The following ARL15 variants were observed in gnomAD, a reference collection of about 807,000 sequenced individuals.
The protein encoded by ARL15 is ADP-ribosylation factor-like protein 15.
Under a neutral mutation model 25.2 loss-of-function variants are expected in ARL15, and 19 were observed. That is an observed-to-expected ratio of 0.75 (90% CI 0.53 to 1.10). ARL15 has a LOEUF of 1.10. ARL15 is among the 50% of genes least tolerant of loss of function. ARL15 has a pLI of 0.00. For synonymous variants in ARL15, 94 were observed against 86.8 expected (o/e 1.08, Z -0.46); for missense variants, 220 against 246.0 (o/e 0.89, Z 0.71).
intron 1 of ARL15, among the ~76,000 whole-genome samples, chr5:54,178,507 GATAA>G (rs1279902401): frequency 2.0e-5 from 3 of 152,084 alleles, no homozygotes; most frequent in Non-Finnish European, 2.9e-5. Flanking sequence ...GACCACACTC[GATAA>G]ATACTTTTTA....
At chr5:53,961,015 C>A (rs895441646) in intron 4 of ARL15, among the ~76,000 whole-genome samples, 1 of 152,158 alleles carries the variant, frequency 6.6e-6, no homozygotes, top group Non-Finnish European at 1.5e-5. Context: ...GGGCTCTAGG[C>A]ATCTGCCCTT....
chr5:54,239,153 C>T (rs1378286057), intron 1 of ARL15, among the ~76,000 whole-genome samples: 2 of 152,002 alleles, frequency 1.3e-5, no homozygotes, highest in Non-Finnish European at 2.9e-5. Context: ...AAAAGACAGA[C>T]TAGCTGTACA....
chr5:54,267,627 A>T (rs1757664543), intron 1 of ARL15, among the ~76,000 whole-genome samples: 1 of 152,150 alleles, frequency 6.6e-6, no homozygotes, highest in South Asian at 2.1e-4. Flanking sequence ...AGATTTGAAA[A>T]ACATTACTTT....
At chr5:54,060,666 A>C (rs1014904369) in intron 4 of ARL15, among the ~76,000 whole-genome samples, 8 of 152,188 alleles carry the variant, frequency 5.3e-5, no homozygotes, top group African/African-American at 1.9e-4. Context: ...TGGACTAATA[A>C]TACAGTACAT....
chr5:54,102,048 T>C (rs1460810766), intron 4 of ARL15, among the ~76,000 whole-genome samples: 1 of 150,748 alleles, frequency 6.6e-6, no homozygotes, highest in Non-Finnish European at 1.5e-5. Context: ...AGTCTCACTC[T>C]GTCACTTAGA....
chr5:53,956,249 C>G (rs1386362514), intron 4 of ARL15, among the ~76,000 whole-genome samples: 1 of 151,744 alleles, frequency 6.6e-6, no homozygotes, highest in Non-Finnish European at 1.5e-5. Flanking sequence ...AGAATACATC[C>G]CTCGTTTTAA....
chr5:54,268,884 C>G (rs559578491), intron 1 of ARL15, among the ~76,000 whole-genome samples: 2 of 152,084 alleles, frequency 1.3e-5, no homozygotes, highest in Non-Finnish European at 2.9e-5. Flanking sequence ...TGGAATACTA[C>G]GCAGCCATAA....
At chr5:53,952,909 C>T (rs1268252078) in intron 4 of ARL15, among the ~76,000 whole-genome samples, 2 of 152,132 alleles carry the variant, frequency 1.3e-5, no homozygotes, top group East Asian at 1.9e-4. Context: ...TAGGAAGATG[C>T]TTGCTTTATT....
At chr5:54,004,328 A>G (rs1408831663) in intron 4 of ARL15, among the ~76,000 whole-genome samples, 2 of 152,054 alleles carry the variant, frequency 1.3e-5, no homozygotes, top group African/African-American at 4.8e-5. Flanking sequence ...CCCCGTCTCT[A>G]TTAAAAATAC....
chr5:54,175,576 C>A (rs1037103906), intron 1 of ARL15, among the ~76,000 whole-genome samples: 5 of 151,902 alleles, frequency 3.3e-5, no homozygotes, highest in African/African-American at 1.2e-4. Context: ...TTCAGGTGAT[C>A]CACTCACCTC....
chr5:54,072,926 C>T (rs1189686871), intron 4 of ARL15, among the ~76,000 whole-genome samples: 2 of 152,138 alleles, frequency 1.3e-5, no homozygotes, highest in Non-Finnish European at 2.9e-5. Flanking sequence ...CCTAGATTTT[C>T]CCCCTTGAAA....
In ARL15 at chr5:54,062,089, G is replaced by A. The variant is rs565371685; in HGVS notation, c.462+51113C>T. 5.9e-5 allele frequency among the ~76,000 whole-genome samples: 9 copies of A among 152,244 alleles called. No individual in the cohort carries two copies. The South Asian group carries it at 1.9e-3, about 32-fold the overall frequency. On this transcript the variant is annotated intron_variant, in intron 4 of 4. Coordinates refer to ENST00000504924, the MANE Select transcript of ARL15 (RefSeq NM_019087.3). Reference sequence around the variant, plus strand: ...CCCACTGGATTTCGGACTTACAAGGGGCCTGTAGCCCTTTTGTTTTGGTCA... The same window carrying A: ...CCCACTGGATTTCGGACTTACAAGGAGCCTGTAGCCCTTTTGTTTTGGTCA...
intron 4 of ARL15, among the ~76,000 whole-genome samples, chr5:54,018,709 A>C (rs1749499846): frequency 1.3e-5 from 2 of 152,204 alleles, no homozygotes; most frequent in African/African-American, 4.8e-5. Flanking sequence ...AAAGGAGGCA[A>C]GCTCTACATG....
chr5:53,941,698 A>T (rs1157915470), intron 4 of ARL15, among the ~76,000 whole-genome samples: 1 of 152,172 alleles, frequency 6.6e-6, no homozygotes, highest in East Asian at 1.9e-4. Context: ...AGATAATAGC[A>T]GGCAAGATGC....
In ARL15 at chr5:54,235,441, C is replaced by T. The variant is rs143427836; in HGVS notation, c.49-63513G>A. Among the ~76,000 whole-genome samples the T allele has an allele frequency of 1.0e-2, 1,511 of 151,634 alleles. 30 individuals carry two copies. The highest frequency in any genetic ancestry group is 0.035 in the African/African-American group (1,451 of 41,350). The stretch of plus-strand genomic sequence containing the variant: ...TCTAATTTATGTTTTAAAAAATGTA[C>T]GCACGTGTACCCATGTTTATGAGCA... On this transcript the variant is annotated intron_variant, in intron 1 of 4. Coordinates refer to ENST00000504924, the MANE Select transcript of ARL15 (RefSeq NM_019087.3).
intron 1 of ARL15, among the ~76,000 whole-genome samples, chr5:54,290,179 A>C (rs542016289): frequency 1.3e-5 from 2 of 152,340 alleles, no homozygotes; most frequent in South Asian, 4.1e-4. Flanking sequence ...AACTGATGCA[A>C]AACAATAAAC....
intron 1 of ARL15, among the ~76,000 whole-genome samples, chr5:54,232,894 G>A (rs73757009): frequency 0.017 from 2,649 of 152,214 alleles, 87 homozygotes; most frequent in African/African-American, 0.061. Context: ...TAGTCCAGCC[G>A]TTTTCAATGT....
chr5:54,247,398 T>C (rs1250028776), intron 1 of ARL15, among the ~76,000 whole-genome samples: 1 of 152,110 alleles, frequency 6.6e-6, no homozygotes, highest in Non-Finnish European at 1.5e-5. Flanking sequence ...CAGAATAACC[T>C]TGATGTGGGG....
rs184902213 is a variant in ARL15, at chr5:53,941,307, C to T, written c.463-54594G>A. The stretch of plus-strand genomic sequence containing the variant: ...AAAAAGGATTATGTATACAGAACTA[C>T]GTGGAAAACTTGCTGTTCTCAGAAA... On this transcript the variant is annotated intron_variant, in intron 4 of 4. Transcript: ENST00000504924. 5.9e-5 allele frequency among the ~76,000 whole-genome samples: 9 copies of T among 152,132 alleles called. No individual in the cohort carries two copies. In the South Asian group the frequency reaches 1.2e-3, roughly 21 times the overall value.
Sources: allele counts gnomAD v4.1 joint callset (sites outside exome capture counted in the v4.1 genomes callset), GRCh38; gene constraint gnomAD v4.1.1; transcripts MANE v1.5; gene names NCBI Gene and HGNC (gene_info 2026-07-23, HGNC 2026-07-21).